The following DDX42 variants were observed in gnomAD, a reference collection of about 807,000 sequenced individuals.
DDX42 encodes DEAD-box helicase 42.
Under a neutral mutation model 101.5 loss-of-function variants are expected in DDX42, and 22 were observed. The ratio of observed to expected loss-of-function variants is 0.22; its 90% CI spans 0.15 to 0.31. The LOEUF is 0.31. Ranked by LOEUF, DDX42 falls within the 10% of genes least tolerant of loss-of-function variation. The pLI is 1.00. For missense variants in DDX42, 849 were observed against 1,199.9 expected (o/e 0.71, Z 4.32); for synonymous variants, 402 against 401.2 (o/e 1.00, Z -0.02).
chr17:63,814,724 C>G (rs1349677510), intron 15 of DDX42, among the ~76,000 whole-genome samples: 1 of 121,308 alleles, frequency 8.2e-6, no homozygotes, highest in Non-Finnish European at 1.6e-5. Flanking sequence ...GAGTCACACT[C>G]TATCACCCAG....
In DDX42 at chr17:63,813,412, C is replaced by T. The variant is rs754610495; in HGVS notation, c.1860C>T (p.Ala620=). Reference sequence around the variant, plus strand: ...ACCTGGTCCGGAACTTGGAAGGAGCCAATCAACACGTTTCTAAGGAACTCC... The same window carrying T: ...ACCTGGTCCGGAACTTGGAAGGAGCTAATCAACACGTTTCTAAGGAACTCC... ...AGDLVRNLEG[A]NQHVSKELLD... is the part of the protein sequence containing the mutation. The change falls in exon 15 of 18, where the codon GCC becomes GCT. Residue 620 remains alanine, a synonymous_variant. Transcript: ENST00000389924. 2 of 1,614,128 alleles carry T rather than the reference C, an allele frequency of 1.2e-6. No individual in the cohort carries two copies. The highest frequency in any genetic ancestry group is 1.7e-6 in the Non-Finnish European group (2 of 1,180,026).
chr17:63,783,070 A>G (rs932772099), intron 1 of DDX42, among the ~76,000 whole-genome samples: 4 of 152,138 alleles, frequency 2.6e-5, no homozygotes, highest in Non-Finnish European at 5.9e-5. Context: ...AGGTTTCAAA[A>G]TTTAACATGT....
At chr17:63,810,598 TA>T (rs755262529) in intron 12 of DDX42, 38 bp downstream of exon 12, 1 of 1,586,242 alleles carries the variant, frequency 6.3e-7, no homozygotes, top group South Asian at 1.1e-5. Flanking sequence ...AAATTTGTAC[TA>T]AAAAGGGCAC....
At chr17:63,794,635 TA>T (rs199814562) in intron 3 of DDX42, among the ~76,000 whole-genome samples, 47,818 of 145,058 alleles carry the variant, frequency 0.33, 8,133 homozygotes, top group South Asian at 0.58. Context: ...ACCCTGTCTA[TA>T]AAAAAAAAAA....
chr17:63,794,293 C>T (rs1210501177), intron 3 of DDX42, among the ~76,000 whole-genome samples: 1 of 152,108 alleles, frequency 6.6e-6, no homozygotes, highest in African/African-American at 2.4e-5. Flanking sequence ...CCTATAATCC[C>T]AGCATTTCGG....
Position 63,813,373 on chromosome 17 carries a change from C to A in DDX42, c.1821C>A (p.Ser607Arg). ...ATACCCTACTCACTCCCAAGGACAG[C>A]AATTTTGCTGGTGACCTGGTCCGGA... is the stretch of plus-strand genomic sequence containing the variant. ...VAYTLLTPKD[S>R]NFAGDLVRNL... The change falls in exon 15 of 18, where the codon AGC becomes AGA. Residue 607 changes from serine to arginine, a missense_variant. Ser to Arg is a moderately radical substitution (Grantham distance 110). Around this residue, in one of 5 missense-constraint regions of DDX42, gnomAD observed 86 missense variants for 160.8 expected, o/e 0.53. Coordinates refer to ENST00000389924, the MANE Select transcript of DDX42 (RefSeq NM_203499.3). 1 of 1,614,168 alleles carries A rather than the reference C, an allele frequency of 6.2e-7. No individual in the cohort carries two copies. Among genetic ancestry groups the A allele is most frequent in the Non-Finnish European group, 8.5e-7 (1 of 1,180,032 alleles).
intron 13 of DDX42, 77 bp from the exon 14 acceptor site, chr17:63,811,855 A>AC (rs1456229382): frequency 6.3e-7 from 1 of 1,592,538 alleles, no homozygotes; most frequent in Non-Finnish European, 8.6e-7. Flanking sequence ...TGCAGGTAGA[A>AC]ATATAATGCC....
At chr17:63,793,914 A>G (rs1228294644) in intron 3 of DDX42, among the ~76,000 whole-genome samples, 1 of 151,332 alleles carries the variant, frequency 6.6e-6, no homozygotes, top group African/African-American at 2.4e-5. Flanking sequence ...GAGACCCAAG[A>G]TAATTCAAAT....
chr17:63,802,188 G>GA (rs911222617), intron 6 of DDX42, among the ~76,000 whole-genome samples: 4 of 149,740 alleles, frequency 2.7e-5, no homozygotes, highest in East Asian at 2.0e-4. Context: ...CAGTTAAAAA[G>GA]AAAAAAAAAG....
intron 14 of DDX42, 60 bp downstream of exon 14, chr17:63,812,268 C>A: frequency 1.9e-6 from 3 of 1,541,482 alleles, no homozygotes; most frequent in Non-Finnish European, 2.6e-6. Context: ...CTCTGTCTTA[C>A]TACATAAGAC....
chr17:63,815,450 C>G, intron 15 of DDX42, 113 bp from the exon 16 acceptor site: 1 of 703,506 alleles, frequency 1.4e-6, no homozygotes, highest in Non-Finnish European at 2.4e-6. Context: ...GTAGTGCTGG[C>G]TGAAAATTAA....
chr17:63,817,659 A>T, intron 17 of DDX42, 35 bp from the exon 18 acceptor site: 1 of 1,595,064 alleles, frequency 6.3e-7, no homozygotes, highest in Non-Finnish European at 8.6e-7. Flanking sequence ...TGAACTTGCT[A>T]TCTTACCTAC....
intron 1 of DDX42, 102 bp downstream of exon 1, chr17:63,774,478 C>G (rs1016755683): frequency 2.6e-5 from 5 of 193,774 alleles, no homozygotes; most frequent in African/African-American, 1.2e-4. Flanking sequence ...CCTCGCTTAA[C>G]AAAGAGTCGG....
intron 6 of DDX42, 87 bp from the exon 7 acceptor site, chr17:63,804,984 A>G (rs1844181612): frequency 6.7e-7 from 1 of 1,490,730 alleles, no homozygotes; most frequent in African/African-American, 1.4e-5. Context: ...CTTGTGTAAA[A>G]TTTGGAAAAG....
chr17:63,797,952 C>T (rs2039713693), intron 3 of DDX42, 86 bp from the exon 4 acceptor site: 1 of 1,255,572 alleles, frequency 8.0e-7, no homozygotes, highest in Non-Finnish European at 1.1e-6. Flanking sequence ...ATAGCTAAAG[C>T]TATTATGGCA....
chr17:63,799,406 T>C, intron 4 of DDX42, 183 bp from the exon 5 acceptor site: 2 of 483,490 alleles, frequency 4.1e-6, no homozygotes, highest in East Asian at 3.2e-5. Flanking sequence ...CTGCAGATTA[T>C]AGAGTGCAGC....
intron 1 of DDX42, among the ~76,000 whole-genome samples, chr17:63,785,471 T>A (rs571994993): frequency 1.2e-4 from 17 of 138,110 alleles, no homozygotes; most frequent in African/African-American, 2.5e-4. Context: ...AACAAAAAAA[T>A]TTTTTTTGGG....
chr17:63,815,458 T>G (rs1432385687), intron 15 of DDX42, 105 bp from the exon 16 acceptor site: 6 of 771,276 alleles, frequency 7.8e-6, no homozygotes, highest in Middle Eastern at 3.6e-4. Flanking sequence ...GGCTGAAAAT[T>G]AAGCAAAAGT....
Position 63,814,982 on chromosome 17 carries a change from C to T in DDX42, c.1903-581C>T, listed in dbSNP as rs1328492910. On this transcript the variant is annotated intron_variant, in intron 15 of 17. Coordinates refer to ENST00000389924, the MANE Select transcript of DDX42 (RefSeq NM_203499.3). ...GGATTCATAGGCGTGAGCCACCGCC[C>T]TGCATTCTTAAGAGAATGTGAGTAA... 2.0e-5 allele frequency among the ~76,000 whole-genome samples: 3 copies of T among 152,208 alleles called. No homozygotes were observed. The East Asian group carries it at 5.8e-4, about 29-fold the overall frequency.
Sources: allele counts gnomAD v4.1 joint callset (sites outside exome capture counted in the v4.1 genomes callset), GRCh38; gene constraint gnomAD v4.1.1; regional missense constraint gnomAD v4.1.1; transcripts MANE v1.5; gene names NCBI Gene and HGNC (gene_info 2026-07-23, HGNC 2026-07-21).